UGT2A2: variants seen among roughly 807,000 people sequenced by gnomAD.
The protein encoded by UGT2A2 is UDP-glucuronosyltransferase 2A2.
UGT2A2 carries 60 observed loss-of-function variants against 50.7 expected under a neutral mutation model. That is an observed-to-expected ratio of 1.18 (90% CI 0.96 to 1.47). The LOEUF is 1.47. Ranked by LOEUF, UGT2A2 falls within the 40% of genes most tolerant of loss-of-function variation. The pLI is 0.00. For missense variants in UGT2A2, 762 were observed against 634.0 expected (o/e 1.20, Z -2.17); for synonymous variants, 242 against 214.6 (o/e 1.13, Z -1.11).
chr4:69,594,619 T>A lies in UGT2A2; in HGVS notation c.1189A>T (p.Met397Leu). The change falls in exon 5 of 6, where the codon ATG (methionine) becomes TTG (leucine). Residue 397 changes from methionine (M) to leucine (L), a missense_variant. By Grantham distance (15) the Met-to-Leu change is conservative. Transcript: ENST00000604629. ...IYEAIYHGVP[M>L]VGVPMFADQP... ...TCAGCAAACATGGGAACTCCCACCA[T>A]AGGGACTCCGTGGTAAATAGCTTCG... 1 of 1,614,112 alleles carries A rather than the reference T, an allele frequency of 6.2e-7. No individual in the cohort carries two copies. The highest frequency in any genetic ancestry group is 1.3e-5 in the African/African-American group (1 of 75,038).
chr4:69,628,135 G>A (rs1248231281), intron 1 of UGT2A2, among the ~76,000 whole-genome samples: 3 of 151,838 alleles, frequency 2.0e-5, no homozygotes, highest in Admixed American at 1.3e-4. Flanking sequence ...TGTGGTTTTA[G>A]GTCTTAGGTT....
intron 1 of UGT2A2, among the ~76,000 whole-genome samples, chr4:69,602,922 G>A (rs1319637927): frequency 7.4e-6 from 1 of 134,818 alleles, no homozygotes; most frequent in African/African-American, 3.0e-5. Context: ...AAAAAAATTA[G>A]CCGGGCGTGG....
intron 1 of UGT2A2, among the ~76,000 whole-genome samples, chr4:69,619,352 T>A (rs891601031): frequency 6.6e-6 from 1 of 151,832 alleles, no homozygotes; most frequent in Non-Finnish European, 1.5e-5. Context: ...TGAGCCAACA[T>A]CAGTGGCACT....
chr4:69,614,436 C>T lies in UGT2A2; in HGVS notation c.743-15042G>A, dbSNP rs143345421. ...TTCATTGCAATCCCTATCAAAAGAC[C>T]AATAAAATTCTTCACAAATTAAAAA... On this transcript the variant is annotated intron_variant, in intron 1 of 5. Transcript: ENST00000604629. Among the ~76,000 whole-genome samples the T allele has an allele frequency of 5.6e-3, 775 of 138,948 alleles. 9 individuals are homozygous for T. The highest frequency in any genetic ancestry group is 0.019 in the African/African-American group (708 of 36,386). The allele number at this position is 138,948 out of a possible 152,430, so 91.2% of individuals were successfully genotyped here.
chr4:69,599,554 T>A, intron 1 of UGT2A2, 160 bp from the exon 2 acceptor site: 2 of 1,048,884 alleles, frequency 1.9e-6, no homozygotes, highest in Non-Finnish European at 2.5e-6. Context: ...AAGGAGAAAT[T>A]AAAGAGGATG....
At chr4:69,619,621 C>T (rs191681005) in intron 1 of UGT2A2, among the ~76,000 whole-genome samples, 1 of 151,852 alleles carries the variant, frequency 6.6e-6, no homozygotes, top group East Asian at 1.9e-4. Flanking sequence ...GAAACTTAAA[C>T]ACATTCTAAA....
chr4:69,609,640 A>G (rs1380158798), intron 1 of UGT2A2, among the ~76,000 whole-genome samples: 1 of 152,068 alleles, frequency 6.6e-6, no homozygotes, highest in Non-Finnish European at 1.5e-5. Flanking sequence ...AATGTCTCTG[A>G]GATGAGATTA....
intron 1 of UGT2A2, among the ~76,000 whole-genome samples, chr4:69,638,510 A>T (rs1721847830): frequency 6.6e-6 from 1 of 152,146 alleles, no homozygotes; most frequent in African/African-American, 2.4e-5. Flanking sequence ...CTTTCTGCAG[A>T]CAAAGAAAAT....
chr4:69,624,519 C>T (rs569496375), intron 1 of UGT2A2, among the ~76,000 whole-genome samples: 2 of 150,898 alleles, frequency 1.3e-5, no homozygotes, highest in South Asian at 4.2e-4. Flanking sequence ...TTTAAGTTAC[C>T]TCATCTCTTT....
intron 1 of UGT2A2, among the ~76,000 whole-genome samples, chr4:69,614,538 A>T (rs369103047): frequency 1.3e-5 from 2 of 152,054 alleles, no homozygotes; most frequent in East Asian, 1.9e-4. Context: ...AAAAGAACAA[A>T]GTTGGAGGAA....
chr4:69,611,174 C>T (rs1720019890), intron 1 of UGT2A2, among the ~76,000 whole-genome samples: 1 of 151,550 alleles, frequency 6.6e-6, no homozygotes, highest in Admixed American at 6.6e-5. Flanking sequence ...GAGACAGAAT[C>T]TTGCTCTGTC....
intron 1 of UGT2A2, among the ~76,000 whole-genome samples, chr4:69,623,067 C>G (rs1577981189): frequency 6.6e-6 from 1 of 151,770 alleles, no homozygotes; most frequent in African/African-American, 2.4e-5. Flanking sequence ...CCTTCTGTTA[C>G]TGAAGGCAAT....
At position 69,588,441 on chromosome 4, in the gene UGT2A2, AT is replaced by A. The variant is rs1718377664; in HGVS notation, c.*930del. On this transcript the variant is annotated 3_prime_UTR_variant, in exon 6 of 6. Transcript: ENST00000604629. ...ATCAAATTCCAAGTAAGCATTTTTT[AT>A]TTTTTGGCATAAAATTAAACTTTTG... The A allele has an allele frequency of 1.3e-5, 2 of 152,050 alleles. No individual in the cohort carries two copies. Among genetic ancestry groups the A allele is most frequent in the African/African-American group, 4.8e-5 (2 of 41,432 alleles). The allele number at this position is 152,050 out of a possible 1,614,324, so 9.4% of individuals were successfully genotyped here.
chr4:69,593,983 T>C (rs917192158), intron 5 of UGT2A2, among the ~76,000 whole-genome samples: 1 of 148,246 alleles, frequency 6.7e-6, no homozygotes, highest in African/African-American at 2.5e-5. Context: ...TTTTGTTTGT[T>C]TTTTTTTTTG....
chr4:69,611,706 G>T (rs1213231160), intron 1 of UGT2A2, among the ~76,000 whole-genome samples: 1 of 152,084 alleles, frequency 6.6e-6, no homozygotes, highest in African/African-American at 2.4e-5. Flanking sequence ...AATCACTTTT[G>T]AGTAAGCAAG....
intron 1 of UGT2A2, among the ~76,000 whole-genome samples, chr4:69,618,912 A>G (rs1031405284): frequency 6.6e-6 from 1 of 151,980 alleles, no homozygotes; most frequent in Non-Finnish European, 1.5e-5. Context: ...AGGTTAGAAG[A>G]AATTTTTTAA....
chr4:69,600,571 G>A (rs1195478277), intron 1 of UGT2A2, among the ~76,000 whole-genome samples: 2 of 152,186 alleles, frequency 1.3e-5, no homozygotes, highest in Middle Eastern at 3.2e-3. Context: ...CTCAGTGGGT[G>A]TGTTAGGCCT....
intron 2 of UGT2A2, among the ~76,000 whole-genome samples, chr4:69,598,561 T>C (rs1719069125): frequency 6.6e-6 from 1 of 152,184 alleles, no homozygotes; most frequent in Admixed American, 6.5e-5. Context: ...AGCTACTTTA[T>C]GCTGATGAAT....
In UGT2A2 at chr4:69,638,924, C is replaced by A; in HGVS notation, c.717G>T (p.Trp239Cys). The change falls in exon 1 of 6, where the codon TGG (tryptophan) becomes TGT (cysteine). Residue 239 changes from tryptophan to cysteine, a missense_variant. Physicochemically the swap from Trp to Cys is radical, Grantham distance 215 (BLOSUM62 -2). Transcript: ENST00000604629. Reference sequence around the variant, plus strand: ...CTAAAATTTTGCTATAGTATGAATTCCATTCTCCCCAGTAGGACTGAAATA... The same window carrying A: ...CTAAAATTTTGCTATAGTATGAATTACATTCTCCCCAGTAGGACTGAAATA... ...DYIFQSYWGE[W>C]NSYYSKILGR... The A allele has an allele frequency of 6.2e-7, 1 of 1,603,310 alleles. No individual in the cohort carries two copies. The highest frequency in any genetic ancestry group is 1.1e-5 in the South Asian group (1 of 89,580).
Sources: gnomAD v4.1 joint callset for allele counts (sites outside exome capture counted in the v4.1 genomes callset) on GRCh38, gnomAD v4.1.1 for gene constraint, MANE v1.5 for transcripts, NCBI Gene and HGNC (gene_info 2026-07-23, HGNC 2026-07-21) for gene names.